Variants in CLSTN2 observed in about 807,000 individuals in gnomAD.
CLSTN2 encodes the protein calsyntenin-2.
A neutral mutation model predicts 101.2 loss-of-function variants in CLSTN2; 48 were observed. The ratio of observed to expected loss-of-function variants is 0.47; its 90% CI spans 0.38 to 0.60. The LOEUF (loss-of-function observed/expected upper bound fraction) is 0.60, where lower values mean the gene tolerates loss of function less well. Ranked by LOEUF, CLSTN2 falls within the 20% of genes least tolerant of loss-of-function variation. The pLI is 0.00. For synonymous variants in CLSTN2, 481 were observed against 463.6 expected, an observed-to-expected ratio of 1.04 and a Z score of -0.48; for missense variants, 1,160 against 1,238.2, an observed-to-expected ratio of 0.94 and a Z score of 0.95.
intron 8 of CLSTN2, among the ~76,000 whole-genome samples, chr3:140,521,579 G>A (rs1445432933): frequency 1.3e-5 from 2 of 152,322 alleles, no homozygotes; most frequent in East Asian, 3.9e-4. Flanking sequence ...TTGTTGGGAG[G>A]CCTCACCCAG....
At chr3:140,501,987 A>G (rs780681097) in intron 8 of CLSTN2, among the ~76,000 whole-genome samples, 1 of 152,048 alleles carries the variant, frequency 6.6e-6, no homozygotes, top group Non-Finnish European at 1.5e-5. Flanking sequence ...ATGTTATTCC[A>G]CCTCTCTGAG....
intron 2 of CLSTN2, among the ~76,000 whole-genome samples, chr3:140,273,823 G>GTCATAATCCTAATAAT (rs1559825623): frequency 6.6e-6 from 1 of 152,176 alleles, no homozygotes; most frequent in East Asian, 1.9e-4. Context: ...AAGGCACTTT[G>GTCATAATCCTAATAAT]TAGTTGATCA....
At chr3:140,564,431 G>C (rs928426915) in intron 16 of CLSTN2, among the ~76,000 whole-genome samples, 8 of 152,202 alleles carry the variant, frequency 5.3e-5, no homozygotes, top group African/African-American at 1.9e-4. Context: ...CCACGAGGTG[G>C]CTAAGCCTTG....
intron 2 of CLSTN2, among the ~76,000 whole-genome samples, chr3:140,363,312 G>A (rs917876507): frequency 6.6e-6 from 1 of 152,136 alleles, no homozygotes; most frequent in African/African-American, 2.4e-5. Flanking sequence ...TCTGTCTCAG[G>A]TGGCTGCCTG....
At chr3:140,052,710 T>C (rs1290268970) in intron 1 of CLSTN2, among the ~76,000 whole-genome samples, 2 of 152,196 alleles carry the variant, frequency 1.3e-5, no homozygotes, top group East Asian at 3.9e-4. Context: ...CCTTTCATTC[T>C]TCTCCTCAGA....
chr3:140,284,457 G>A (rs185622816), intron 2 of CLSTN2, among the ~76,000 whole-genome samples: 1 of 152,250 alleles, frequency 6.6e-6, no homozygotes, highest in East Asian at 1.9e-4. Flanking sequence ...AAATGTAAGA[G>A]TGACTTTTTT....
intron 2 of CLSTN2, among the ~76,000 whole-genome samples, chr3:140,205,220 A>C (rs1316545900): frequency 6.6e-6 from 1 of 152,204 alleles, no homozygotes; most frequent in Non-Finnish European, 1.5e-5. Flanking sequence ...ACCAAATCCT[A>C]TGGGTTTTAT....
intron 2 of CLSTN2, among the ~76,000 whole-genome samples, chr3:140,377,961 T>G (rs2087935231): frequency 6.6e-6 from 1 of 152,206 alleles, no homozygotes; most frequent in Admixed American, 6.5e-5. Context: ...AAAAAATCTT[T>G]TACACCATAT....
At chr3:140,228,141 T>A (rs189592789) in intron 2 of CLSTN2, among the ~76,000 whole-genome samples, 101 of 152,380 alleles carry the variant, frequency 6.6e-4, no homozygotes, top group Non-Finnish European at 1.1e-3. Flanking sequence ...GCAAATTTTC[T>A]GAACTTTTAG....
chr3:140,166,045 C>T (rs2010129638), intron 1 of CLSTN2, among the ~76,000 whole-genome samples: 1 of 152,168 alleles, frequency 6.6e-6, no homozygotes, highest in Non-Finnish European at 1.5e-5. Flanking sequence ...TGCCTATCTA[C>T]TCTCAAACCT....
chr3:140,156,776 T>A (rs2009960829), intron 1 of CLSTN2, among the ~76,000 whole-genome samples: 1 of 152,202 alleles, frequency 6.6e-6, no homozygotes, highest in African/African-American at 2.4e-5. Flanking sequence ...TCACAATTTA[T>A]TTCTTCCTCT....
rs974911297 is a variant in CLSTN2, at chr3:140,105,993, G to A, written c.110-69958G>A. ...CTGGCATGGTGGGCCTGGTTTTATCGGCAGAACGTGGTAACTTCCCTAGGA... is the reference window on the plus strand; with the variant it reads ...CTGGCATGGTGGGCCTGGTTTTATCAGCAGAACGTGGTAACTTCCCTAGGA... On this transcript the variant is annotated intron_variant, in intron 1 of 16. Transcript: ENST00000458420. Among the ~76,000 whole-genome samples, 3 of 152,144 alleles carry A rather than the reference G, an allele frequency of 2.0e-5. No individual in the cohort carries two copies. In the South Asian group the frequency reaches 6.2e-4, roughly 32 times the overall value.
chr3:140,354,068 A>G (rs369994406), intron 2 of CLSTN2, among the ~76,000 whole-genome samples: 2 of 152,360 alleles, frequency 1.3e-5, no homozygotes, highest in African/African-American at 2.4e-5. Context: ...TTGTTCTGTA[A>G]TGGCTCCTTC....
intron 2 of CLSTN2, among the ~76,000 whole-genome samples, chr3:140,288,999 G>C (rs566172714): frequency 6.6e-6 from 1 of 152,224 alleles, no homozygotes; most frequent in Admixed American, 6.5e-5. Context: ...CTGCTCTTTT[G>C]CTGCGTTGAT....
intron 2 of CLSTN2, among the ~76,000 whole-genome samples, chr3:140,283,450 C>T (rs1275578405): frequency 6.6e-6 from 1 of 152,144 alleles, no homozygotes; most frequent in African/African-American, 2.4e-5. Flanking sequence ...CCCTTTTATC[C>T]TGTAAACTGA....
chr3:140,175,443 A>C (rs2010308567), intron 1 of CLSTN2, among the ~76,000 whole-genome samples: 1 of 152,184 alleles, frequency 6.6e-6, no homozygotes, highest in African/African-American at 2.4e-5. Context: ...GTGTGTATAC[A>C]TGTATACATG....
At chr3:140,293,489 T>C (rs1456489159) in intron 2 of CLSTN2, among the ~76,000 whole-genome samples, 1 of 152,136 alleles carries the variant, frequency 6.6e-6, no homozygotes, top group East Asian at 1.9e-4. Flanking sequence ...ACATTGGATA[T>C]GTCAGAGAAA....
rs1157273157 is a variant in CLSTN2 at position 140,329,861 on chromosome 3, A to C, written c.233-73768A>C. On this transcript the variant is annotated intron_variant, in intron 2 of 16. Transcript: ENST00000458420. ...TCATTAGGCCAGTCATAAAATATTAAAAGTTAAGTAATTCAATGTTACTCA... is the reference window on the plus strand; with the variant it reads ...TCATTAGGCCAGTCATAAAATATTACAAGTTAAGTAATTCAATGTTACTCA... Among the ~76,000 whole-genome samples the C allele has an allele frequency of 3.3e-5, 5 of 152,318 alleles. No homozygotes were observed. The East Asian group carries it at 9.6e-4, about 29-fold the overall frequency.
At chr3:140,295,840 G>A (rs2086997848) in intron 2 of CLSTN2, among the ~76,000 whole-genome samples, 1 of 152,138 alleles carries the variant, frequency 6.6e-6, no homozygotes, top group African/African-American at 2.4e-5. Context: ...TAAGGTGAGT[G>A]GAGGGTTCAT....
Sources: allele counts gnomAD v4.1 joint callset (sites outside exome capture counted in the v4.1 genomes callset), GRCh38; gene constraint gnomAD v4.1.1; transcripts MANE v1.5; gene names NCBI Gene and HGNC (gene_info 2026-07-23, HGNC 2026-07-21).